Variants in CCDC77 observed in about 807,000 individuals in gnomAD.
The protein encoded by CCDC77 is coiled-coil domain containing 77, also known as coiled-coil domain-containing protein 77.
In CCDC77, 56 loss-of-function variants were observed where a neutral mutation model predicts 66.8. The ratio of observed to expected loss-of-function variants is 0.84; its 90% CI spans 0.68 to 1.05. CCDC77 has a LOEUF of 1.05. CCDC77 is among the 50% of genes least tolerant of loss of function. The pLI is 0.00. For missense variants in CCDC77, 570 were observed against 576.8 expected (o/e 0.99, Z 0.12); for synonymous variants, 196 against 195.2 (o/e 1.00, Z -0.03).
intron 1 of CCDC77, among the ~76,000 whole-genome samples, chr12:390,552 C>T (rs1944736445): frequency 6.6e-6 from 1 of 152,090 alleles, no homozygotes; most frequent in Non-Finnish European, 1.5e-5. Flanking sequence ...CAACTGAAGG[C>T]CTGAATAGAA....
Position 440,869 on chromosome 12 carries a change from G to C in CCDC77, c.1193G>C (p.Arg398Pro). ...GATCGCACTAACAAGATGGGGAAGC[G>C]TTTACAGATAATGACAAAACGCTAT... ...FKDRTNKMGK[R>P]LQIMTKRYEA... The change falls in exon 12 of 13, where the codon CGT (arginine) becomes CCT (proline). Residue 398 changes from arginine (R) to proline (P), a missense_variant. By Grantham distance (103) the Arg-to-Pro change is moderately radical. Coordinates refer to ENST00000239830, the MANE Select transcript of CCDC77 (RefSeq NM_032358.4). 1 of 1,613,684 alleles carries C rather than the reference G, an allele frequency of 6.2e-7. No homozygotes were observed. The highest frequency in any genetic ancestry group is 8.5e-7 in the Non-Finnish European group (1 of 1,180,014).
At chr12:431,598 AT>A (rs1189896338) in intron 7 of CCDC77, among the ~76,000 whole-genome samples, 1 of 152,202 alleles carries the variant, frequency 6.6e-6, no homozygotes, top group Admixed American at 6.5e-5. Context: ...TCTAAGGAAA[AT>A]TTAGTGGTTG....
At chr12:430,055 G>A (rs1202446718) in intron 6 of CCDC77, among the ~76,000 whole-genome samples, 4 of 152,118 alleles carry the variant, frequency 2.6e-5, no homozygotes, top group African/African-American at 9.7e-5. Context: ...GTGTAATGGT[G>A]CAATCTCGGC....
intron 1 of CCDC77, chr12:389,570 GCAA>G: frequency 4.2e-6 from 1 of 238,144 alleles, no homozygotes; most frequent in African/African-American, 2.4e-5. Context: ...GGGGCGAGGC[GCAA>G]CGAGGCGGGG....
At chr12:392,103 G>C (rs1944763802) in intron 1 of CCDC77, among the ~76,000 whole-genome samples, 1 of 152,134 alleles carries the variant, frequency 6.6e-6, no homozygotes, top group Non-Finnish European at 1.5e-5. Flanking sequence ...GGTCAGAACA[G>C]TGGAGTATAA....
intron 10 of CCDC77, among the ~76,000 whole-genome samples, chr12:440,074 G>A (rs1373149142): frequency 6.6e-6 from 1 of 152,146 alleles, no homozygotes; most frequent in Non-Finnish European, 1.5e-5. Flanking sequence ...AAATAAGGAG[G>A]AAGTGGTATG....
rs141932366 is a variant in CCDC77 at position 429,345 on chromosome 12, G to A, written c.510+480G>A. 2.7e-4 allele frequency among the ~76,000 whole-genome samples: 41 copies of A among 151,994 alleles called. 2 individuals are homozygous for A. The East Asian group carries it at 7.5e-3, about 28-fold the overall frequency. On this transcript the variant is annotated intron_variant, in intron 6 of 12. Coordinates refer to ENST00000239830, the MANE Select transcript of CCDC77 (RefSeq NM_032358.4). ...CTCTTTCTTCATTCCTATAGAAATA[G>A]TTATGTGTCTGTGTATACTATTTCT...
intron 2 of CCDC77, among the ~76,000 whole-genome samples, chr12:406,715 G>A (rs1944997529): frequency 6.6e-6 from 1 of 152,340 alleles, no homozygotes; most frequent in Non-Finnish European, 1.5e-5. Context: ...GGGAGGCCAA[G>A]GCAGGTGGAT....
At chr12:389,743 G>C (rs975772546) in intron 1 of CCDC77, among the ~76,000 whole-genome samples, 1 of 152,162 alleles carries the variant, frequency 6.6e-6, no homozygotes, top group Non-Finnish European at 1.5e-5. Context: ...GCGCCTCACC[G>C]CCCGTGCTTC....
At chr12:399,015 G>C (rs1255728992), upstream of CCDC77, among the ~76,000 whole-genome samples, 2 of 152,096 alleles carry the variant, frequency 1.3e-5, no homozygotes, top group African/African-American at 4.8e-5. Flanking sequence ...GCCTTCCAAA[G>C]TGCTGGGTTT....
chr12:436,978 G>A (rs1301323310), intron 9 of CCDC77, among the ~76,000 whole-genome samples: 2 of 152,168 alleles, frequency 1.3e-5, no homozygotes, highest in African/African-American at 4.8e-5. Flanking sequence ...ACATACACAT[G>A]CACACATACC....
chr12:429,514 G>GCAATGCGCAATCTCGGCC (rs1945607037), intron 6 of CCDC77, among the ~76,000 whole-genome samples: 1 of 149,446 alleles, frequency 6.7e-6, no homozygotes, highest in Non-Finnish European at 1.5e-5. Context: ...AGGTTGGAGT[G>GCAATGCGCAATCTCGGCC]CAATGCGCAA....
chr12:441,254 G>A (rs1448839913), intron 12 of CCDC77, among the ~76,000 whole-genome samples: 3 of 152,236 alleles, frequency 2.0e-5, no homozygotes, highest in Non-Finnish European at 4.4e-5. Context: ...AATTCAAGAA[G>A]TAGATTAAAG....
intron 4 of CCDC77, among the ~76,000 whole-genome samples, chr12:417,139 A>AG (rs1030684383): frequency 2.0e-5 from 3 of 151,716 alleles, no homozygotes; most frequent in Admixed American, 6.6e-5. Flanking sequence ...TCTCAAAAAA[A>AG]AAAAAAAAAT....
intron 9 of CCDC77, 89 bp from the exon 10 acceptor site, chr12:438,246 G>C: frequency 1.1e-6 from 1 of 899,218 alleles, no homozygotes; most frequent in East Asian, 2.5e-5. Context: ...CATTTTAAAA[G>C]AACCACTCTC....
At chr12:428,104 A>G (rs916999174) in intron 5 of CCDC77, among the ~76,000 whole-genome samples, 8 of 152,182 alleles carry the variant, frequency 5.3e-5, no homozygotes, top group African/African-American at 1.9e-4. Flanking sequence ...TGGGGATTCA[A>G]CTACAAGCTA....
chr12:416,416 T>TGTATA (rs1275323927), intron 4 of CCDC77, among the ~76,000 whole-genome samples: 1 of 55,874 alleles, frequency 1.8e-5, no homozygotes. Context: ...TATATATATA[T>TGTATA]TTCTTTTTTT....
upstream of CCDC77, among the ~76,000 whole-genome samples, chr12:397,048 A>T (rs1944837531): frequency 6.6e-6 from 1 of 151,872 alleles, no homozygotes; most frequent in Non-Finnish European, 1.5e-5. Context: ...CTGGGATTAC[A>T]GGCATGTGCC....
chr12:416,405 A>ATGTATG (rs1271107080), intron 4 of CCDC77, among the ~76,000 whole-genome samples: 18 of 54,334 alleles, frequency 3.3e-4, no homozygotes, highest in South Asian at 2.5e-3. Flanking sequence ...ATATATATAT[A>ATGTATG]TATATATATA....
Sources: allele counts gnomAD v4.1 joint callset (sites outside exome capture counted in the v4.1 genomes callset), GRCh38; gene constraint gnomAD v4.1.1; transcripts MANE v1.5; gene names NCBI Gene and HGNC (gene_info 2026-07-23, HGNC 2026-07-21).